The following PSTPIP1 variants were observed in gnomAD, a reference collection of about 807,000 sequenced individuals.
The protein encoded by PSTPIP1 is proline-serine-threonine phosphatase interacting protein 1, also known as proline-serine-threonine phosphatase-interacting protein 1.
In PSTPIP1, 66 loss-of-function variants were observed where a neutral mutation model predicts 69.6. That is an observed-to-expected ratio of 0.95 (90% confidence interval 0.78 to 1.16). The LOEUF (loss-of-function observed/expected upper bound fraction) is 1.16. Among genes scored for constraint, PSTPIP1 ranks in the 50% most tolerant of loss-of-function variants. The pLI, the probability that PSTPIP1 is intolerant of heterozygous loss-of-function variation, is 0.00. For synonymous variants in PSTPIP1, 266 were observed against 222.7 expected (o/e 1.19, Z -1.73); for missense variants, 603 against 557.4 (o/e 1.08, Z -0.82).
chr15:77,016,153 T>C (rs1463359797), intron 1 of PSTPIP1, among the ~76,000 whole-genome samples: 1 of 152,172 alleles, frequency 6.6e-6, no homozygotes, highest in Non-Finnish European at 1.5e-5. Flanking sequence ...CGGATTCTTG[T>C]CCTGACTCTG....
chr15:77,029,112 T>TG (rs2076354867), intron 7 of PSTPIP1, among the ~76,000 whole-genome samples: 1 of 151,796 alleles, frequency 6.6e-6, no homozygotes, highest in South Asian at 2.1e-4. Flanking sequence ...TAGGCCAGAG[T>TG]GGGGGTATCA....
At chr15:77,026,451 G>C (rs1204186858) in intron 5 of PSTPIP1, among the ~76,000 whole-genome samples, 1 of 152,246 alleles carries the variant, frequency 6.6e-6, no homozygotes, top group Admixed American at 6.5e-5. Flanking sequence ...CCTTGAAGGG[G>C]AAGAAGCTGT....
rs760375102 is a variant in PSTPIP1, at chr15:77,018,213, G to T, written c.102G>T (p.Lys34Asn). The T allele has an allele frequency of 1.3e-6, 2 of 1,587,872 alleles. No individual in the cohort carries two copies. The highest frequency in any genetic ancestry group is 2.3e-5 in the South Asian group (2 of 86,790). ...VLLQRLLDGR[K>N]MCKDMEELLR... is the part of the protein sequence containing the mutation. ...TGCAGCGGCTTCTGGATGGCAGGAA[G>T]ATGTGCAAAGACATGGAGGAGCTAC... Residue 34 changes from lysine to asparagine, a missense_variant, in exon 2 of 15, where the codon AAG becomes AAT. By Grantham distance (94) the Lys-to-Asn change is moderately conservative. Coordinates refer to ENST00000558012, the MANE Select transcript of PSTPIP1 (RefSeq NM_003978.5).
intron 1 of PSTPIP1, among the ~76,000 whole-genome samples, chr15:77,017,770 G>A (rs543223682): frequency 1.3e-5 from 2 of 152,348 alleles, no homozygotes; most frequent in East Asian, 3.9e-4. Flanking sequence ...CTGAGATAGG[G>A]ATATTGGAAG....
At chr15:77,006,094 G>A (rs1420409705) in intron 1 of PSTPIP1, among the ~76,000 whole-genome samples, 1 of 151,978 alleles carries the variant, frequency 6.6e-6, no homozygotes, top group African/African-American at 2.4e-5. Flanking sequence ...ATGCAAAAGG[G>A]ATCCAATTGC....
intron 1 of PSTPIP1, chr15:77,016,087 G>A: frequency 6.6e-6 from 3 of 456,100 alleles, no homozygotes; most frequent in South Asian, 4.6e-5. Context: ...GTGGGGCTGG[G>A]CTCCAGGTGG....
At chr15:77,018,043 G>A (rs972128282) in intron 1 of PSTPIP1, 105 bp from the exon 2 acceptor site, 13 of 1,161,122 alleles carry the variant, frequency 1.1e-5, no homozygotes, top group Non-Finnish European at 1.6e-5. Flanking sequence ...GGGAGATGGA[G>A]GCAGGAGGGA....
intron 7 of PSTPIP1, 104 bp from the exon 8 acceptor site, chr15:77,029,425 C>G (rs2076360745): frequency 4.4e-6 from 6 of 1,353,644 alleles, no homozygotes; most frequent in Non-Finnish European, 6.2e-6. Flanking sequence ...CTGAATGTTC[C>G]CCCCAGGGTG....
intron 1 of PSTPIP1, 83 bp from the exon 2 acceptor site, chr15:77,018,065 G>A: frequency 7.2e-7 from 1 of 1,379,846 alleles, no homozygotes; most frequent in Non-Finnish European, 1.0e-6. Context: ...GCTGTTCCCA[G>A]AGATGGTGGG....
intron 1 of PSTPIP1, among the ~76,000 whole-genome samples, chr15:77,016,274 A>G (rs926334469): frequency 6.6e-6 from 1 of 152,104 alleles, no homozygotes; most frequent in African/African-American, 2.4e-5. Flanking sequence ...GCATTCTGAC[A>G]TGAATGCTGG....
chr15:77,026,118 C>T, intron 5 of PSTPIP1: 3 of 456,182 alleles, frequency 6.6e-6, no homozygotes, highest in Non-Finnish European at 1.3e-5. Flanking sequence ...ATATGTAGGG[C>T]ATGGCTGTCC....
At chr15:77,026,030 C>G (rs572995547) in intron 5 of PSTPIP1, 14 of 454,718 alleles carry the variant, frequency 3.1e-5, no homozygotes, top group African/African-American at 2.6e-4. Flanking sequence ...CAGGACTGCC[C>G]AAGGCTGAGG....
At chr15:76,996,311 T>C (rs1171786475) in intron 1 of PSTPIP1, among the ~76,000 whole-genome samples, 1 of 152,248 alleles carries the variant, frequency 6.6e-6, no homozygotes, top group Non-Finnish European at 1.5e-5. Context: ...TAAAGTGGCT[T>C]GGCCCGGGCC....
In PSTPIP1 at chr15:76,995,352, T is replaced by C; in HGVS notation, c.-222T>C. 1 of 1,427,666 alleles carries C rather than the reference T, an allele frequency of 7.0e-7. No homozygotes were observed. Among genetic ancestry groups the C allele is most frequent in the Non-Finnish European group, 9.1e-7 (1 of 1,094,236 alleles). 88.4% of individuals were successfully genotyped at this position (1,427,666 alleles called of 1,614,324 possible). A position where few individuals can be genotyped will look rare whatever the true frequency, so the allele number is the denominator to read the frequency against. On this transcript the variant is annotated 5_prime_UTR_variant, in exon 1 of 15. Coordinates refer to ENST00000558012, the MANE Select transcript of PSTPIP1 (RefSeq NM_003978.5). ...ACTGAGCTCCACTCCTTCCTCATTTTGCTGCTGATTCTAGCCCCAAACAAA... is the reference window on the plus strand; with the variant it reads ...ACTGAGCTCCACTCCTTCCTCATTTCGCTGCTGATTCTAGCCCCAAACAAA...
intron 13 of PSTPIP1, 80 bp from the exon 14 acceptor site, chr15:77,035,722 G>A: frequency 1.3e-6 from 2 of 1,519,646 alleles, no homozygotes; most frequent in East Asian, 2.4e-5. Context: ...GGCCCAGCAT[G>A]GAGAAACCCC....
intron 1 of PSTPIP1, among the ~76,000 whole-genome samples, chr15:76,997,169 G>A (rs2075598833): frequency 6.6e-6 from 1 of 152,238 alleles, no homozygotes; most frequent in South Asian, 2.1e-4. Flanking sequence ...GGAGCTTCCT[G>A]AGCGGCATCC....
intron 1 of PSTPIP1, among the ~76,000 whole-genome samples, chr15:76,999,848 T>G (rs988879436): frequency 2.0e-5 from 3 of 152,212 alleles, no homozygotes; most frequent in African/African-American, 7.2e-5. Context: ...TCCAATGGCC[T>G]TTGCAAAGAT....
At chr15:77,020,739 A>G (rs753152247) in intron 3 of PSTPIP1, among the ~76,000 whole-genome samples, 1 of 151,908 alleles carries the variant, frequency 6.6e-6, no homozygotes, top group Non-Finnish European at 1.5e-5. Flanking sequence ...CCTCCCAGAC[A>G]CCTTGCCTTG....
chr15:77,037,156 T>TCCTA lies in PSTPIP1; in HGVS notation c.1235_1238dup (p.Glu414ProfsTer51). The stretch of plus-strand genomic sequence containing the variant: ...CGGGCAGCGTGGCTTCGTCCCTGGT[T>TCCTA]CCTACCTGGAGAAGCTTTGAGGAAG... On this transcript the variant is annotated frameshift_variant, in exon 15 of 15. Transcript: ENST00000558012. LOFTEE classifies it high-confidence loss of function. 5 of 1,610,152 alleles carry TCCTA rather than the reference T, an allele frequency of 3.1e-6. No homozygotes were observed. The highest frequency in any genetic ancestry group is 4.2e-6 in the Non-Finnish European group (5 of 1,178,932).
Sources: gnomAD v4.1 joint callset for allele counts (sites outside exome capture counted in the v4.1 genomes callset) on GRCh38, gnomAD v4.1.1 for gene constraint, MANE v1.5 for transcripts, NCBI Gene and HGNC (gene_info 2026-07-23, HGNC 2026-07-21) for gene names.